Variants in TBC1D32 observed in about 807,000 individuals in gnomAD.
TBC1D32 encodes the protein protein broad-minded.
In TBC1D32, 151 loss-of-function variants were observed where a neutral mutation model predicts 170.3. The observed-to-expected ratio is 0.89, with a 90% CI of 0.78 to 1.01. The LOEUF is 1.01. Among genes scored for constraint, TBC1D32 ranks in the 50% least tolerant of loss-of-function variants. TBC1D32 has a pLI of 0.00. For synonymous variants in TBC1D32, 498 were observed against 488.0 expected, an observed-to-expected ratio of 1.02 and a Z score of -0.27; for missense variants, 1,464 against 1,457.1, an observed-to-expected ratio of 1.00 and a Z score of -0.08.
intron 24 of TBC1D32, among the ~76,000 whole-genome samples, chr6:121,140,242 T>C (rs1425203041): frequency 6.6e-6 from 1 of 151,618 alleles, no homozygotes; most frequent in African/African-American, 2.4e-5. Context: ...AAGTTCTAAC[T>C]AGAATTCGCT....
intron 21 of TBC1D32, among the ~76,000 whole-genome samples, chr6:121,219,325 T>C (rs2128323486): frequency 6.6e-6 from 1 of 152,342 alleles, no homozygotes; most frequent in East Asian, 1.9e-4. Context: ...GTGATCTTTC[T>C]ACAGGGTTAA....
chr6:121,126,020 G>T (rs1299622606), intron 26 of TBC1D32, among the ~76,000 whole-genome samples: 3 of 152,320 alleles, frequency 2.0e-5, no homozygotes, highest in African/African-American at 7.2e-5. Context: ...AGATCTTTGA[G>T]TGAACGATGT....
intron 24 of TBC1D32, among the ~76,000 whole-genome samples, chr6:121,151,007 G>A (rs1044005134): frequency 1.3e-5 from 2 of 151,992 alleles, no homozygotes; most frequent in Non-Finnish European, 2.9e-5. Flanking sequence ...ATCTCCTTCA[G>A]GTCTGCTCTG....
At chr6:121,169,978 G>T (rs1255580709) in intron 22 of TBC1D32, among the ~76,000 whole-genome samples, 8 of 152,088 alleles carry the variant, frequency 5.3e-5, no homozygotes, top group African/African-American at 1.9e-4. Flanking sequence ...GGAATAAAGA[G>T]TGCCTCTGCA....
At chr6:121,225,424 A>G (rs1253341789) in intron 20 of TBC1D32, among the ~76,000 whole-genome samples, 1 of 152,018 alleles carries the variant, frequency 6.6e-6, no homozygotes, top group Non-Finnish European at 1.5e-5. Context: ...CTTTTCTACC[A>G]TAATCATAAA....
chr6:121,282,095 T>C (rs533848003), intron 13 of TBC1D32, among the ~76,000 whole-genome samples: 1 of 151,784 alleles, frequency 6.6e-6, no homozygotes, highest in East Asian at 1.9e-4. Flanking sequence ...GTATTGAGCC[T>C]ACAGGAAAAT....
chr6:121,220,576 A>G (rs547827515), intron 21 of TBC1D32, among the ~76,000 whole-genome samples: 8 of 152,252 alleles, frequency 5.3e-5, no homozygotes, highest in South Asian at 4.1e-4. Context: ...TAGAAGTTGC[A>G]AGTTATCCAG....
intron 3 of TBC1D32, among the ~76,000 whole-genome samples, chr6:121,316,113 A>ACCC (rs1277383466): frequency 6.6e-6 from 1 of 152,032 alleles, no homozygotes; most frequent in East Asian, 1.9e-4. Context: ...TAAAATTATG[A>ACCC]CCCCATTTCT....
chr6:121,223,999 G>A (rs1480708200), intron 20 of TBC1D32, among the ~76,000 whole-genome samples: 1 of 152,110 alleles, frequency 6.6e-6, no homozygotes, highest in Non-Finnish European at 1.5e-5. Context: ...GCATGCTGTG[G>A]TTGCCCATCA....
At chr6:121,198,888 T>C (rs1055108591) in intron 22 of TBC1D32, among the ~76,000 whole-genome samples, 2 of 151,138 alleles carry the variant, frequency 1.3e-5, no homozygotes, top group Non-Finnish European at 2.9e-5. Context: ...TTAGCAAAAA[T>C]GAACGACACA....
At position 121,161,021 on chromosome 6, in the gene TBC1D32, T is replaced by C. The variant is rs1785558531; in HGVS notation, c.2606A>G (p.Asn869Ser). The C allele has an allele frequency of 1.2e-6, 2 of 1,613,582 alleles. No individual in the cohort carries two copies. The highest frequency in any genetic ancestry group is 1.6e-4 in the Middle Eastern group (1 of 6,062). ...FIIDGLSVER[N>S]HVLVRINLVG... ...AAGATTTATTCTAACAAGAACATGATTTCTCTCCACTGATAAGCCATCAAT... is the reference window on the plus strand; with the variant it reads ...AAGATTTATTCTAACAAGAACATGACTTCTCTCCACTGATAAGCCATCAAT... The change falls in exon 23 of 32, where the codon AAT becomes AGT. Residue 869 changes from asparagine to serine, a missense_variant. Transcript: ENST00000398212.
At chr6:121,082,074 T>C (rs559554899) in intron 31 of TBC1D32, among the ~76,000 whole-genome samples, 87 of 152,216 alleles carry the variant, frequency 5.7e-4, no homozygotes, top group Middle Eastern at 3.4e-3. Context: ...GTGAAATTAT[T>C]TCAATCCTTC....
intron 24 of TBC1D32, among the ~76,000 whole-genome samples, chr6:121,140,314 A>T (rs1269703245): frequency 6.7e-6 from 1 of 148,726 alleles, no homozygotes; most frequent in African/African-American, 2.5e-5. Flanking sequence ...AGTAAAAAAA[A>T]TTACATCAGG....
At chr6:121,260,922 C>A (rs1799675298) in intron 15 of TBC1D32, among the ~76,000 whole-genome samples, 3 of 152,182 alleles carry the variant, frequency 2.0e-5, no homozygotes, top group Non-Finnish European at 4.4e-5. Flanking sequence ...TAGCTCCAGG[C>A]CGTGCTTTTC....
intron 3 of TBC1D32, among the ~76,000 whole-genome samples, chr6:121,311,119 A>C (rs1808128560): frequency 6.6e-6 from 1 of 152,230 alleles, no homozygotes; most frequent in Admixed American, 6.5e-5. Flanking sequence ...CTCAAAAGAC[A>C]CAAAGCCAAA....
chr6:121,278,559 T>G (rs895818020), intron 15 of TBC1D32, among the ~76,000 whole-genome samples: 3 of 152,132 alleles, frequency 2.0e-5, no homozygotes, highest in African/African-American at 7.2e-5. Flanking sequence ...AGGGAAATGT[T>G]TGAATAAATT....
At chr6:121,173,282 C>G (rs1198493604) in intron 22 of TBC1D32, among the ~76,000 whole-genome samples, 2 of 152,146 alleles carry the variant, frequency 1.3e-5, no homozygotes, top group Non-Finnish European at 2.9e-5. Flanking sequence ...AGCTTTGGGA[C>G]TCAGACTGGC....
intron 27 of TBC1D32, 86 bp downstream of exon 27, chr6:121,115,086 T>C: frequency 2.1e-6 from 2 of 969,920 alleles, no homozygotes; most frequent in Non-Finnish European, 2.9e-6. Flanking sequence ...AATAGTTGGT[T>C]GTTAAATTAA....
Position 121,162,523 on chromosome 6 carries a change from A to T in TBC1D32, c.2571-1467T>A, listed in dbSNP as rs115287689. Among the ~76,000 whole-genome samples, 231 of 152,310 alleles carry T rather than the reference A, an allele frequency of 1.5e-3. 1 individual carries two copies. Among genetic ancestry groups the T allele is most frequent in the African/African-American group, 5.4e-3 (224 of 41,572 alleles). On this transcript the variant is annotated intron_variant, in intron 22 of 31. Coordinates refer to ENST00000398212, the MANE Select transcript of TBC1D32 (RefSeq NM_152730.6). ...AAGGATAGCTTCTCTCACCACTCCTATTAAACATAGTATTGGAAATTCTAG... is the reference window on the plus strand; with the variant it reads ...AAGGATAGCTTCTCTCACCACTCCTTTTAAACATAGTATTGGAAATTCTAG...
Sources: allele counts gnomAD v4.1 joint callset (sites outside exome capture counted in the v4.1 genomes callset), GRCh38; gene constraint gnomAD v4.1.1; transcripts MANE v1.5; gene names NCBI Gene and HGNC (gene_info 2026-07-23, HGNC 2026-07-21).